Variants in RBFOX1 observed in about 807,000 individuals in gnomAD.
RBFOX1 encodes RNA binding protein fox-1 homolog 1.
In RBFOX1, 8 loss-of-function variants were observed where a neutral mutation model predicts 57.7. The observed-to-expected ratio is 0.14, with a 90% CI of 0.08 to 0.25. The LOEUF (loss-of-function observed/expected upper bound fraction) is 0.25. Among genes scored for constraint, RBFOX1 ranks in the 10% least tolerant of loss-of-function variants. The pLI, the probability that RBFOX1 is intolerant of heterozygous loss-of-function variation, is 1.00. For synonymous variants in RBFOX1, 326 were observed against 222.4 expected (o/e 1.47, Z -4.15); for missense variants, 611 against 548.5 (o/e 1.11, Z -1.14).
At chr16:5,397,926 C>T (rs761085687) in intron 1 of RBFOX1, among the ~76,000 whole-genome samples, 2 of 152,196 alleles carry the variant, frequency 1.3e-5, no homozygotes, top group Non-Finnish European at 2.9e-5. Flanking sequence ...CTATGTGCCA[C>T]GTGCTTGCTG....
chr16:5,560,519 C>T (rs1228621238), intron 2 of RBFOX1, among the ~76,000 whole-genome samples: 3 of 152,184 alleles, frequency 2.0e-5, no homozygotes, highest in Non-Finnish European at 4.4e-5. Flanking sequence ...GAGGGCAAGG[C>T]CCCTGGATTC....
chr16:6,595,917 T>C (rs1252373403), intron 2 of RBFOX1, among the ~76,000 whole-genome samples: 1 of 152,200 alleles, frequency 6.6e-6, no homozygotes, highest in South Asian at 2.1e-4. Context: ...TATTTGTCTT[T>C]TTATTAAGTT....
chr16:7,116,508 G>C (rs1290452477), intron 4 of RBFOX1, among the ~76,000 whole-genome samples: 1 of 152,070 alleles, frequency 6.6e-6, no homozygotes, highest in Admixed American at 6.6e-5. Flanking sequence ...TAAATAAGTA[G>C]TCAAGCTCTG....
At chr16:6,815,538 A>G (rs2089880521) in intron 3 of RBFOX1, among the ~76,000 whole-genome samples, 1 of 152,194 alleles carries the variant, frequency 6.6e-6, no homozygotes, top group East Asian at 1.9e-4. Context: ...CCTACGCCAG[A>G]CATTATGCCA....
At chr16:5,818,224 C>T (rs1387826574) in intron 3 of RBFOX1, among the ~76,000 whole-genome samples, 1 of 152,146 alleles carries the variant, frequency 6.6e-6, no homozygotes, top group African/African-American at 2.4e-5. Flanking sequence ...CTCAATGGTG[C>T]CTCCAGGCAT....
chr16:7,710,503 A>T, intron 15 of RBFOX1, 120 bp from the exon 16 acceptor site: 1 of 1,567,496 alleles, frequency 6.4e-7, no homozygotes, highest in Non-Finnish European at 8.6e-7. Context: ...TGGGATGGGT[A>T]GGGGGTGCCT....
rs1296274222 is a variant in RBFOX1, at chr16:6,450,806, TATATATATATAC to T, written c.-64+133761_-64+133772del. 1.2e-3 allele frequency among the ~76,000 whole-genome samples: 21 copies of T among 17,254 alleles called. 4 individuals carry two copies. Among genetic ancestry groups the T allele is most frequent in the African/African-American group, 7.9e-3 (19 of 2,398 alleles). 11.3% of individuals were successfully genotyped at this position (17,254 alleles called of 152,430 possible). A position where few individuals can be genotyped will look rare whatever the true frequency, so the allele number is the denominator to read the frequency against. ...ATATATATACATATATATATGTATA[TATATATATATAC>T]ATATATATATATATATATGTGTATA... On this transcript the variant is annotated intron_variant, in intron 2 of 15. Coordinates refer to ENST00000550418, the MANE Select transcript of RBFOX1 (RefSeq NM_018723.4).
intron 1 of RBFOX1, among the ~76,000 whole-genome samples, chr16:6,085,443 T>C (rs1266430349): frequency 6.6e-6 from 1 of 152,168 alleles, no homozygotes; most frequent in Admixed American, 6.5e-5. Context: ...CAGCTAATTT[T>C]GTATTTTTAT....
At chr16:7,555,875 CATGCTCTGCA>C (rs1452121943) in intron 5 of RBFOX1, among the ~76,000 whole-genome samples, 4 of 152,294 alleles carry the variant, frequency 2.6e-5, no homozygotes, top group African/African-American at 9.6e-5. Context: ...ATGCTTCCAA[CATGCTCTGCA>C]ATGCTCTGAT....
intron 7 of RBFOX1, among the ~76,000 whole-genome samples, chr16:7,593,186 A>T (rs1175873138): frequency 1.3e-5 from 2 of 152,158 alleles, no homozygotes; most frequent in Non-Finnish European, 2.9e-5. Context: ...TCACTGGGCC[A>T]CACATTTTAA....
At chr16:6,917,421 G>A (rs941566763) in intron 3 of RBFOX1, among the ~76,000 whole-genome samples, 1 of 152,158 alleles carries the variant, frequency 6.6e-6, no homozygotes, top group African/African-American at 2.4e-5. Flanking sequence ...AAATCTACAA[G>A]TGCTTTTGTC....
intron 4 of RBFOX1, among the ~76,000 whole-genome samples, chr16:7,107,868 C>T (rs574474348): frequency 6.6e-6 from 1 of 152,240 alleles, no homozygotes; most frequent in South Asian, 2.1e-4. Context: ...TACCCGTGGT[C>T]TAAAACCTGT....
intron 4 of RBFOX1, among the ~76,000 whole-genome samples, chr16:7,173,770 C>A (rs1179097962): frequency 6.6e-6 from 1 of 152,174 alleles, no homozygotes; most frequent in African/African-American, 2.4e-5. Context: ...CCACTTGCAG[C>A]ACAAAGCATC....
At chr16:7,365,731 A>G (rs2097430591) in intron 4 of RBFOX1, among the ~76,000 whole-genome samples, 1 of 152,334 alleles carries the variant, frequency 6.6e-6, no homozygotes, top group South Asian at 2.1e-4. Flanking sequence ...AAGAGTGCAG[A>G]GATAGAGAAA....
At chr16:5,782,151 C>T (rs1021451100) in intron 3 of RBFOX1, among the ~76,000 whole-genome samples, 2 of 152,246 alleles carry the variant, frequency 1.3e-5, no homozygotes, top group African/African-American at 2.4e-5. Flanking sequence ...GTGGAGGTTG[C>T]AGTGAGATGA....
chr16:6,347,610 C>A (rs534803433), intron 2 of RBFOX1, among the ~76,000 whole-genome samples: 1 of 152,078 alleles, frequency 6.6e-6, no homozygotes. Flanking sequence ...ACGCAAGAGA[C>A]GGTTGGGTGA....
At chr16:7,121,057 C>T (rs987345776) in intron 4 of RBFOX1, among the ~76,000 whole-genome samples, 37 of 151,998 alleles carry the variant, frequency 2.4e-4, no homozygotes, top group African/African-American at 7.0e-4. Flanking sequence ...AAAACAAAAG[C>T]TAATCTACAT....
At chr16:5,251,644 A>T (rs754259067) in intron 1 of RBFOX1, among the ~76,000 whole-genome samples, 2 of 152,182 alleles carry the variant, frequency 1.3e-5, no homozygotes, top group Non-Finnish European at 2.9e-5. Flanking sequence ...TTGATGATAG[A>T]TACCAGAACA....
At chr16:6,558,843 C>T (rs542505385) in intron 2 of RBFOX1, among the ~76,000 whole-genome samples, 1 of 148,158 alleles carries the variant, frequency 6.7e-6, no homozygotes, top group Non-Finnish European at 1.5e-5. Flanking sequence ...CTTTTACTTC[C>T]CCAAACATAC....
Sources: gnomAD v4.1 joint callset for allele counts (sites outside exome capture counted in the v4.1 genomes callset) on GRCh38, gnomAD v4.1.1 for gene constraint, MANE v1.5 for transcripts, NCBI Gene and HGNC (gene_info 2026-07-23, HGNC 2026-07-21) for gene names.